The following SPARCL1 variants were observed in gnomAD, a reference collection of about 807,000 sequenced individuals.
The protein encoded by SPARCL1 is SPARC like 1, also known as SPARC-like protein 1.
SPARCL1 carries 52 observed loss-of-function variants against 67.1 expected under a neutral mutation model. The observed-to-expected ratio is 0.78, with a 90% confidence interval of 0.62 to 0.98. The LOEUF (loss-of-function observed/expected upper bound fraction) is 0.98, where lower values mean the gene tolerates loss of function less well. SPARCL1 is among the 50% of genes least tolerant of loss of function. The pLI is 0.00. For synonymous variants in SPARCL1, 226 were observed against 267.8 expected (o/e 0.84, Z 1.52); for missense variants, 717 against 782.4 (o/e 0.92, Z 1.00).
At chr4:87,474,943 C>T (rs1323520415) in intron 10 of SPARCL1, among the ~76,000 whole-genome samples, 2 of 151,960 alleles carry the variant, frequency 1.3e-5, no homozygotes, top group African/African-American at 2.4e-5. Context: ...GGGGTTTCAC[C>T]GTGTTAGCCA....
intron 8 of SPARCL1, 30 bp downstream of exon 8, chr4:87,482,394 A>G: frequency 6.2e-7 from 1 of 1,608,740 alleles, no homozygotes; most frequent in Non-Finnish European, 8.5e-7. Context: ...GTAGACAGAC[A>G]TTGAAGAAGC....
At position 87,493,768 on chromosome 4, in the gene SPARCL1, A is replaced by G; in HGVS notation, c.1032T>C (p.Asp344=). 6.2e-7 allele frequency: 1 copy of G among 1,613,630 alleles called. No individual in the cohort carries two copies. Among genetic ancestry groups the G allele is most frequent in the Non-Finnish European group, 8.5e-7 (1 of 1,179,566 alleles). The change falls in exon 4 of 11, where the codon GAT becomes GAC. Residue 344 remains aspartate (D), a synonymous_variant. Coordinates refer to ENST00000282470, the MANE Select transcript of SPARCL1 (RefSeq NM_004684.6). The part of the protein sequence containing the change: ...NHGVDDDGDD[D]GDDGGTDGPR... ...GGCCATCAGTGCCGCCATCATCGCC[A>G]TCATCATCGCCATCATCATCAACTC...
intron 1 of SPARCL1, among the ~76,000 whole-genome samples, chr4:87,506,523 CCTCT>C (rs141006967): frequency 6.6e-6 from 1 of 151,538 alleles, no homozygotes; most frequent in Non-Finnish European, 1.5e-5. Context: ...GGGAGAATTC[CCTCT>C]CTCTCTCTGC....
At chr4:87,502,700 T>G (rs1004059187) in intron 1 of SPARCL1, among the ~76,000 whole-genome samples, 1 of 152,248 alleles carries the variant, frequency 6.6e-6, no homozygotes, top group African/African-American at 2.4e-5. Flanking sequence ...TTTTGATCTT[T>G]GTTTTTCCTG....
chr4:87,526,767 C>T (rs1024026182), intron 1 of SPARCL1, among the ~76,000 whole-genome samples: 9 of 152,158 alleles, frequency 5.9e-5, no homozygotes, highest in Non-Finnish European at 5.9e-5. Context: ...AGTCAGTTCC[C>T]GTTCTACGGA....
At chr4:87,484,771 GGTC>G (rs1723983713) in intron 7 of SPARCL1, among the ~76,000 whole-genome samples, 1 of 152,096 alleles carries the variant, frequency 6.6e-6, no homozygotes, top group African/African-American at 2.4e-5. Flanking sequence ...TCCTTGAAGA[GGTC>G]CTTCACATCC....
chr4:87,488,027 AT>A, intron 7 of SPARCL1, among the ~76,000 whole-genome samples: 1 of 152,244 alleles, frequency 6.6e-6, no homozygotes, highest in African/African-American at 2.4e-5. Context: ...GCTTCCTTGT[AT>A]TGGGTTATAA....
At chr4:87,501,087 T>C (rs1355828902) in intron 1 of SPARCL1, among the ~76,000 whole-genome samples, 1 of 152,224 alleles carries the variant, frequency 6.6e-6, no homozygotes, top group Admixed American at 6.5e-5. Flanking sequence ...AATTTCCTCT[T>C]AATATGGTAA....
chr4:87,479,692 A>G, intron 9 of SPARCL1, 114 bp from the exon 10 acceptor site: 1 of 937,106 alleles, frequency 1.1e-6, no homozygotes, highest in Non-Finnish European at 1.6e-6. Flanking sequence ...TGTGATATAA[A>G]TAGAATACAG....
chr4:87,488,511 C>T (rs1724169412), intron 7 of SPARCL1, among the ~76,000 whole-genome samples: 1 of 152,172 alleles, frequency 6.6e-6, no homozygotes, highest in Admixed American at 6.5e-5. Flanking sequence ...CAGAGCTCTC[C>T]TGTATGAGAT....
intron 1 of SPARCL1, among the ~76,000 whole-genome samples, chr4:87,518,812 T>C (rs1463502012): frequency 6.6e-6 from 1 of 152,216 alleles, no homozygotes; most frequent in African/African-American, 2.4e-5. Flanking sequence ...TAAGAATTTG[T>C]GCTTTGTTTC....
At chr4:87,474,896 C>T in intron 10 of SPARCL1, among the ~76,000 whole-genome samples, 1 of 152,094 alleles carries the variant, frequency 6.6e-6, no homozygotes, top group Non-Finnish European at 1.5e-5. Context: ...GCGCCCGCCA[C>T]CACGCCCGGC....
chr4:87,510,148 T>C (rs1725287031), intron 1 of SPARCL1, among the ~76,000 whole-genome samples: 1 of 152,202 alleles, frequency 6.6e-6, no homozygotes, highest in South Asian at 2.1e-4. Flanking sequence ...ATTTTACTAT[T>C]ATCTACTCTT....
At chr4:87,499,035 C>T (rs1223490291) in intron 2 of SPARCL1, among the ~76,000 whole-genome samples, 2 of 151,980 alleles carry the variant, frequency 1.3e-5, no homozygotes, top group Middle Eastern at 3.2e-3. Context: ...CCACCATGCC[C>T]GGCTAATTTT....
At position 87,511,967 on chromosome 4, in the gene SPARCL1, C is replaced by CTTTTTTTTTTTTTTTTTT. The variant is rs3037337; in HGVS notation, c.-11-12383_-11-12382insAAAAAAAAAAAAAAAAAA. Among the ~76,000 whole-genome samples, 3 of 121,566 alleles carry CTTTTTTTTTTTTTTTTTT rather than the reference C, an allele frequency of 2.5e-5. 1 individual carries two copies. Among genetic ancestry groups the CTTTTTTTTTTTTTTTTTT allele is most frequent in the African/African-American group, 3.2e-5 (1 of 31,400 alleles). The allele number at this position is 121,566 out of a possible 152,430, so 79.8% of individuals were successfully genotyped here. ...TTCCTTTCCTTTCCTCTTTCTTTCT[C>CTTTTTTTTTTTTTTTTTT]TTTTTTTTTTTTTTTGAGACAGAGT... On this transcript the variant is annotated intron_variant, in intron 1 of 10. Transcript: ENST00000282470.
chr4:87,495,199 G>T, intron 2 of SPARCL1, 72 bp from the exon 3 acceptor site: 2 of 1,283,888 alleles, frequency 1.6e-6, no homozygotes, highest in Non-Finnish European at 2.2e-6. Context: ...AGTTACTCTT[G>T]TTGTCATCAT....
intron 1 of SPARCL1, among the ~76,000 whole-genome samples, chr4:87,526,337 G>A (rs1726041558): frequency 1.3e-5 from 2 of 152,136 alleles, no homozygotes; most frequent in Non-Finnish European, 2.9e-5. Context: ...TTTCCTTCTT[G>A]ATCTCCATTG....
At chr4:87,495,234 A>G in intron 2 of SPARCL1, 107 bp from the exon 3 acceptor site, 1 of 879,568 alleles carries the variant, frequency 1.1e-6, no homozygotes, top group Non-Finnish European at 1.8e-6. Context: ...TACTTCATTT[A>G]TACCAACAAT....
In SPARCL1 at chr4:87,483,203, A is replaced by C. The variant is rs543024346; in HGVS notation, c.1532-643T>G. Among the ~76,000 whole-genome samples the C allele has an allele frequency of 2.0e-5, 3 of 152,078 alleles. No homozygotes were observed. In the East Asian group the frequency reaches 5.8e-4, roughly 29 times the overall value. ...CTGCACCCATCAACCCATCATCTACATTAGGTATTTCTCCTAATGCTATCC... is the reference window on the plus strand; with the variant it reads ...CTGCACCCATCAACCCATCATCTACCTTAGGTATTTCTCCTAATGCTATCC... On this transcript the variant is annotated intron_variant, in intron 7 of 10. Transcript: ENST00000282470.
Sources: allele counts gnomAD v4.1 joint callset (sites outside exome capture counted in the v4.1 genomes callset), GRCh38; gene constraint gnomAD v4.1.1; transcripts MANE v1.5; gene names NCBI Gene and HGNC (gene_info 2026-07-23, HGNC 2026-07-21).